FNDC3B: variants seen among roughly 807,000 people sequenced by gnomAD.
FNDC3B encodes fibronectin type III domain-containing protein 3B.
Under a neutral mutation model 151.5 loss-of-function variants are expected in FNDC3B, and 12 were observed. The observed-to-expected ratio is 0.08, with a 90% CI of 0.05 to 0.13. FNDC3B has a LOEUF of 0.13. Among genes scored for constraint, FNDC3B ranks in the 10% least tolerant of loss-of-function variants. The pLI, the probability that FNDC3B is intolerant of heterozygous loss-of-function variation, is 1.00. For synonymous variants in FNDC3B, 528 were observed against 549.0 expected, an observed-to-expected ratio of 0.96 and a Z score of 0.54; for missense variants, 1,214 against 1,505.3, an observed-to-expected ratio of 0.81 and a Z score of 3.20.
intron 3 of FNDC3B, among the ~76,000 whole-genome samples, chr3:172,206,497 A>G (rs1725432900): frequency 6.6e-6 from 1 of 151,996 alleles, no homozygotes; most frequent in South Asian, 2.1e-4. Flanking sequence ...TGTCTCTACT[A>G]AAAATACAAA....
chr3:172,091,976 A>G (rs1194014495), intron 1 of FNDC3B, among the ~76,000 whole-genome samples: 1 of 149,996 alleles, frequency 6.7e-6, no homozygotes, highest in African/African-American at 2.5e-5. Context: ...TAGGGTTGTA[A>G]ATTTGACTAT....
intron 22 of FNDC3B, among the ~76,000 whole-genome samples, chr3:172,359,697 C>T (rs1185960913): frequency 2.6e-5 from 4 of 152,100 alleles, no homozygotes; most frequent in Non-Finnish European, 2.9e-5. Flanking sequence ...AGAAACTCTT[C>T]TATTAATACC....
intron 4 of FNDC3B, among the ~76,000 whole-genome samples, chr3:172,228,673 G>A (rs1576818064): frequency 1.3e-5 from 2 of 152,260 alleles, no homozygotes; most frequent in South Asian, 2.1e-4. Flanking sequence ...GCTCTTTCCC[G>A]GCTGACAGGT....
At chr3:172,276,190 C>G (rs2108810533) in intron 6 of FNDC3B, among the ~76,000 whole-genome samples, 1 of 152,282 alleles carries the variant, frequency 6.6e-6, no homozygotes, top group East Asian at 1.9e-4. Flanking sequence ...ACTGAAATCT[C>G]TCACTTGCAG....
intron 22 of FNDC3B, among the ~76,000 whole-genome samples, chr3:172,359,012 TGGTGGTGATGGTGGC>T (rs1331047472): frequency 7.4e-6 from 1 of 135,848 alleles, no homozygotes; most frequent in African/African-American, 2.6e-5. Context: ...GTGGTGGTGG[TGGTGGTGATGGTGGC>T]GGTGGTGTGT....
At chr3:172,172,435 C>G (rs1723331406) in intron 3 of FNDC3B, among the ~76,000 whole-genome samples, 1 of 152,130 alleles carries the variant, frequency 6.6e-6, no homozygotes, top group African/African-American at 2.4e-5. Flanking sequence ...TTTAGTGTGA[C>G]AAAGTAAAGA....
intron 21 of FNDC3B, among the ~76,000 whole-genome samples, chr3:172,350,167 T>C (rs1273821164): frequency 6.6e-6 from 1 of 152,224 alleles, no homozygotes; most frequent in Non-Finnish European, 1.5e-5. Flanking sequence ...AGGAAGAAAG[T>C]GTAGCTCCTA....
chr3:172,105,619 TAAA>T (rs537392799), intron 1 of FNDC3B, among the ~76,000 whole-genome samples: 15 of 127,212 alleles, frequency 1.2e-4, no homozygotes, highest in African/African-American at 3.7e-4. Flanking sequence ...ATTGTTTTCT[TAAA>T]AAAAAAAAAA....
At chr3:172,222,817 C>A (rs981112028) in intron 3 of FNDC3B, among the ~76,000 whole-genome samples, 3 of 152,160 alleles carry the variant, frequency 2.0e-5, no homozygotes, top group African/African-American at 7.2e-5. Context: ...GATTGGGCGC[C>A]CCTGCTCTTG....
chr3:172,304,283 C>G, intron 9 of FNDC3B, among the ~76,000 whole-genome samples: 1 of 152,208 alleles, frequency 6.6e-6, no homozygotes, highest in East Asian at 1.9e-4. Flanking sequence ...CAGGCTGTTT[C>G]CCTGCCTTCC....
chr3:172,265,122 G>T (rs1728857295), intron 6 of FNDC3B, among the ~76,000 whole-genome samples: 1 of 152,172 alleles, frequency 6.6e-6, no homozygotes, highest in South Asian at 2.1e-4. Context: ...GTAATATTGG[G>T]TAGATTACTA....
intron 22 of FNDC3B, among the ~76,000 whole-genome samples, chr3:172,358,623 G>T (rs1734210771): frequency 6.6e-6 from 1 of 152,180 alleles, no homozygotes; most frequent in Non-Finnish European, 1.5e-5. Context: ...AGCACTGTTG[G>T]GATGGCGTGA....
rs1167627679 is a variant in FNDC3B, at chr3:172,392,810, C to CTTTTTTTTTTTTTTT, written c.3304-4342_3304-4341insTTTTTTTTTTTTTTT. On this transcript the variant is annotated intron_variant, in intron 25 of 25. Transcript: ENST00000415807. The stretch of plus-strand genomic sequence containing the variant: ...GAATGAATTTTTTCTTTTTTTTTTT[C>CTTTTTTTTTTTTTTT]TTTTTTTTTTTTCAGACAGAGAGTA... Among the ~76,000 whole-genome samples the CTTTTTTTTTTTTTTT allele has an allele frequency of 8.0e-5, 8 of 99,900 alleles. 1 individual carries two copies. Among genetic ancestry groups the CTTTTTTTTTTTTTTT allele is most frequent in the Non-Finnish European group, 1.3e-4 (7 of 53,826 alleles). 65.5% of individuals were successfully genotyped at this position (99,900 alleles called of 152,430 possible).
At chr3:172,265,085 C>T (rs1182593801) in intron 6 of FNDC3B, among the ~76,000 whole-genome samples, 2 of 152,186 alleles carry the variant, frequency 1.3e-5, no homozygotes, top group African/African-American at 2.4e-5. Flanking sequence ...TAAAATGATT[C>T]TCAGAAATTA....
chr3:172,250,761 A>T (rs1728019389), intron 5 of FNDC3B, among the ~76,000 whole-genome samples: 1 of 152,312 alleles, frequency 6.6e-6, no homozygotes, highest in South Asian at 2.1e-4. Context: ...TTATTCCTTG[A>T]TTGGTTAGAA....
intron 11 of FNDC3B, among the ~76,000 whole-genome samples, chr3:172,312,652 A>C (rs769156463): frequency 5.9e-5 from 9 of 151,966 alleles, no homozygotes; most frequent in Non-Finnish European, 1.2e-4. Context: ...GCGTGCGTGC[A>C]TGCACACACT....
intron 16 of FNDC3B, among the ~76,000 whole-genome samples, chr3:172,338,728 TTTG>T (rs1426711425): frequency 6.6e-6 from 1 of 151,580 alleles, no homozygotes; most frequent in African/African-American, 2.4e-5. Context: ...AAGGTTTTGT[TTTG>T]TTTTGTTTTG....
intron 16 of FNDC3B, among the ~76,000 whole-genome samples, chr3:172,338,782 G>GA (rs1386398685): frequency 5.3e-5 from 8 of 152,110 alleles, no homozygotes; most frequent in Non-Finnish European, 8.8e-5. Context: ...TCGCCCAGGC[G>GA]ACAGAGTGCA....
intron 22 of FNDC3B, among the ~76,000 whole-genome samples, chr3:172,354,582 G>T (rs917233356): frequency 6.6e-6 from 1 of 151,474 alleles, no homozygotes; most frequent in Admixed American, 6.6e-5. Context: ...TACACAATTG[G>T]GTATACTGTA....
Sources: allele counts gnomAD v4.1 joint callset (sites outside exome capture counted in the v4.1 genomes callset), GRCh38; gene constraint gnomAD v4.1.1; transcripts MANE v1.5; gene names NCBI Gene and HGNC (gene_info 2026-07-23, HGNC 2026-07-21).